TMEM132D: variants seen among roughly 807,000 people sequenced by gnomAD.
TMEM132D encodes mature OL transmembrane protein.
TMEM132D carries 21 observed loss-of-function variants against 62.3 expected under a neutral mutation model. That is an observed-to-expected ratio of 0.34 (90% CI 0.24 to 0.49). The LOEUF (loss-of-function observed/expected upper bound fraction) is 0.49. Among genes scored for constraint, TMEM132D ranks in the 20% least tolerant of loss-of-function variants. The pLI, the probability that TMEM132D is intolerant of heterozygous loss-of-function variation, is 0.99. For missense variants in TMEM132D, 1,346 were observed against 1,402.8 expected (o/e 0.96, Z 0.65); for synonymous variants, 621 against 575.6 (o/e 1.08, Z -1.13).
chr12:129,358,023 T>G (rs957021639), intron 3 of TMEM132D, among the ~76,000 whole-genome samples: 1 of 152,200 alleles, frequency 6.6e-6, no homozygotes. Context: ...GTATAAAAAC[T>G]TTTCATTATG....
intron 3 of TMEM132D, among the ~76,000 whole-genome samples, chr12:129,392,097 G>A (rs1004214094): frequency 6.7e-6 from 1 of 149,988 alleles, no homozygotes; most frequent in African/African-American, 2.5e-5. Flanking sequence ...CACTCTTGTT[G>A]CCCAGGCTGG....
chr12:129,518,494 A>G (rs1875745607), intron 3 of TMEM132D, among the ~76,000 whole-genome samples: 1 of 149,350 alleles, frequency 6.7e-6, no homozygotes, highest in Non-Finnish European at 1.5e-5. Flanking sequence ...TCTTGACTAT[A>G]TTGTGTGTGT....
rs2137227055 is a variant in TMEM132D at position 129,700,371 on chromosome 12, T to C, written c.407A>G (p.Asp136Gly). The change falls in exon 2 of 9, where the codon GAC becomes GGC. Residue 136 changes from aspartate (D) to glycine (G), a missense_variant. Asp to Gly is a moderately conservative substitution (Grantham distance 94). Coordinates refer to ENST00000422113, the MANE Select transcript of TMEM132D (RefSeq NM_133448.3). ...NWKLKAHILRDKVYLSRPKVQ... is the reference protein window; with the variant it reads ...NWKLKAHILRGKVYLSRPKVQ... ...TTTGGGCCGGCTCAGGTAGACTTTG[T>C]CCCGCAGGATGTGGGCTTTTAGTTT... The C allele has an allele frequency of 6.2e-7, 1 of 1,614,048 alleles. No homozygotes were observed.
At position 129,457,540 on chromosome 12, in the gene TMEM132D, A is replaced by C. The variant is rs78361842; in HGVS notation, c.1115+73519T>G. ...ACACCAACATGGCACATGTATACAT[A>C]TGTAACAAACCTGCATGTTGTGCAC... On this transcript the variant is annotated intron_variant, in intron 3 of 8. Transcript: ENST00000422113. Among the ~76,000 whole-genome samples the C allele has an allele frequency of 0.022, 3,322 of 151,614 alleles. 315 individuals carry two copies. In the East Asian group the frequency reaches 0.3, roughly 14 times the overall value.
chr12:129,083,253 G>A (rs760073568), intron 6 of TMEM132D, among the ~76,000 whole-genome samples: 3 of 152,190 alleles, frequency 2.0e-5, no homozygotes, highest in Non-Finnish European at 4.4e-5. Context: ...GGAGACAGAT[G>A]TCAGCTGCTC....
At chr12:129,555,940 G>A (rs1877043234) in intron 2 of TMEM132D, among the ~76,000 whole-genome samples, 2 of 152,172 alleles carry the variant, frequency 1.3e-5, no homozygotes, top group African/African-American at 2.4e-5. Flanking sequence ...ATATAGAAAT[G>A]TATGAGAAAG....
chr12:129,295,587 T>C lies in TMEM132D; in HGVS notation c.1299+42047A>G, dbSNP rs192879564. On this transcript the variant is annotated intron_variant, in intron 4 of 8. Transcript: ENST00000422113. ...CTGAGTTTACAAGCACGCACCACCA[T>C]GCCCAGCTAATTTTGAGCCAATTCT... 4.6e-5 allele frequency among the ~76,000 whole-genome samples: 7 copies of C among 152,094 alleles called. No individual in the cohort carries two copies. In the East Asian group the frequency reaches 1.4e-3, roughly 30 times the overall value.
intron 4 of TMEM132D, among the ~76,000 whole-genome samples, chr12:129,212,970 T>C (rs1420580148): frequency 1.3e-5 from 2 of 152,186 alleles, no homozygotes; most frequent in Non-Finnish European, 2.9e-5. Context: ...TGAGCCAGCC[T>C]GGAAGTAGAT....
chr12:129,150,649 C>T (rs867691626), intron 5 of TMEM132D, among the ~76,000 whole-genome samples: 6 of 152,206 alleles, frequency 3.9e-5, no homozygotes, highest in Non-Finnish European at 1.5e-5. Context: ...GATCCCAGAG[C>T]TTGTGCTCCT....
chr12:129,593,913 G>T (rs1436588827), intron 2 of TMEM132D, among the ~76,000 whole-genome samples: 1 of 151,986 alleles, frequency 6.6e-6, no homozygotes, highest in Non-Finnish European at 1.5e-5. Context: ...ATTCACCCAT[G>T]CCTTTTTCTT....
At chr12:129,348,562 T>A (rs1188809334) in intron 3 of TMEM132D, among the ~76,000 whole-genome samples, 3 of 151,668 alleles carry the variant, frequency 2.0e-5, no homozygotes, top group Non-Finnish European at 4.4e-5. Context: ...TCGGGGGTAG[T>A]GGGTAAGGGA....
chr12:129,624,389 T>C (rs1432936977), intron 2 of TMEM132D, among the ~76,000 whole-genome samples: 1 of 152,096 alleles, frequency 6.6e-6, no homozygotes, highest in African/African-American at 2.4e-5. Context: ...TGTGAAGACT[T>C]TTATGAAGAG....
chr12:129,638,276 A>C (rs1879539523), intron 2 of TMEM132D, among the ~76,000 whole-genome samples: 1 of 152,124 alleles, frequency 6.6e-6, no homozygotes, highest in Non-Finnish European at 1.5e-5. Flanking sequence ...GGGAAGCCCA[A>C]ATATGCTGCC....
rs1272003604 is a variant in TMEM132D at position 129,867,859 on chromosome 12, G to C, written c.79+35402C>G. ...TGACAGGGGCCAGAGATGGGTTGGG[G>C]TTGCTGGAAAAGGAGCAGAAGAAAC... On this transcript the variant is annotated intron_variant, in intron 1 of 8. Transcript: ENST00000422113. The surrounding 1 kb of genome is among the most constrained non-coding windows in gnomAD (Gnocchi z 4.5). Among the ~76,000 whole-genome samples the C allele has an allele frequency of 6.6e-6, 1 of 152,204 alleles. No homozygotes were observed. The highest frequency in any genetic ancestry group is 1.5e-5 in the Non-Finnish European group (1 of 68,040).
chr12:129,728,365 T>G (rs1301989956), intron 1 of TMEM132D, among the ~76,000 whole-genome samples: 1 of 152,238 alleles, frequency 6.6e-6, no homozygotes, highest in Non-Finnish European at 1.5e-5. Context: ...ATTTTGCTTC[T>G]GAGTGAGAAC....
chr12:129,754,640 A>G (rs889561832), intron 1 of TMEM132D, among the ~76,000 whole-genome samples: 25 of 152,228 alleles, frequency 1.6e-4, no homozygotes, highest in Non-Finnish European at 3.5e-4. Flanking sequence ...CCTGAAATTT[A>G]GACTCATTTA....
At chr12:129,558,003 G>A (rs1284809699) in intron 2 of TMEM132D, among the ~76,000 whole-genome samples, 1 of 152,158 alleles carries the variant, frequency 6.6e-6, no homozygotes, top group Non-Finnish European at 1.5e-5. Flanking sequence ...ACATAATACA[G>A]TGAACCATTT....
At chr12:129,711,224 C>T (rs1294878393) in intron 1 of TMEM132D, among the ~76,000 whole-genome samples, 2 of 152,214 alleles carry the variant, frequency 1.3e-5, no homozygotes, top group African/African-American at 2.4e-5. Context: ...ATGCAACTTC[C>T]GTTGTTCCGG....
intron 1 of TMEM132D, among the ~76,000 whole-genome samples, chr12:129,810,131 G>A (rs147914575): frequency 0.016 from 2,431 of 152,142 alleles, 64 homozygotes; most frequent in African/African-American, 0.054. Flanking sequence ...TGGCGGTGCC[G>A]TATCACTAGC....
Sources: gnomAD v4.1 joint callset for allele counts (sites outside exome capture counted in the v4.1 genomes callset) on GRCh38, gnomAD v4.1.1 for gene constraint, Gnocchi (gnomAD v3.1) non-coding constraint, MANE v1.5 for transcripts, NCBI Gene and HGNC (gene_info 2026-07-23, HGNC 2026-07-21) for gene names.